Variants in SLC26A3 observed in about 807,000 individuals in gnomAD.
SLC26A3 encodes solute carrier family 26 member 3.
SLC26A3 carries 64 observed loss-of-function variants against 85.6 expected under a neutral mutation model. That is an observed-to-expected ratio of 0.75 (90% CI 0.61 to 0.92). The LOEUF (loss-of-function observed/expected upper bound fraction) is 0.92. Ranked by LOEUF, SLC26A3 falls within the 40% of genes least tolerant of loss-of-function variation. SLC26A3 has a pLI of 0.00. For missense variants in SLC26A3, 922 were observed against 927.3 expected, an observed-to-expected ratio of 0.99 and a Z score of 0.07; for synonymous variants, 349 against 336.0, an observed-to-expected ratio of 1.04 and a Z score of -0.42.
At chr7:107,796,503 T>C (rs1794503138) in intron 1 of SLC26A3, among the ~76,000 whole-genome samples, 1 of 152,142 alleles carries the variant, frequency 6.6e-6, no homozygotes, top group Non-Finnish European at 1.5e-5. Context: ...CTTCCATCTC[T>C]CCACCCACAC....
intron 8 of SLC26A3, 111 bp from the exon 9 acceptor site, chr7:107,783,463 T>C: frequency 7.8e-7 from 1 of 1,283,312 alleles, no homozygotes; most frequent in Non-Finnish European, 1.1e-6. Context: ...TGTCTCACTT[T>C]GGAGTATGAT....
At chr7:107,780,118 A>G (rs1794192874) in intron 11 of SLC26A3, among the ~76,000 whole-genome samples, 2 of 151,764 alleles carry the variant, frequency 1.3e-5, no homozygotes, top group African/African-American at 4.8e-5. Flanking sequence ...GAGACAGTCT[A>G]ATGTGTGTTT....
At chr7:107,778,775 AG>A (rs1348003696) in intron 12 of SLC26A3, among the ~76,000 whole-genome samples, 1 of 152,090 alleles carries the variant, frequency 6.6e-6, no homozygotes, top group East Asian at 1.9e-4. Context: ...GGATCACTTG[AG>A]GCCAGGAGTT....
chr7:107,791,762 A>C (rs1227166001), intron 4 of SLC26A3, 68 bp downstream of exon 4: 5 of 991,384 alleles, frequency 5.0e-6, no homozygotes, highest in East Asian at 2.4e-5. Flanking sequence ...AATTGATAGA[A>C]GGTATGGCTA....
intron 18 of SLC26A3, 35 bp downstream of exon 18, chr7:107,772,019 T>C (rs1380996659): frequency 3.4e-6 from 5 of 1,462,138 alleles, no homozygotes; most frequent in Middle Eastern, 3.5e-4. Flanking sequence ...CCTGAAGTGA[T>C]TGTCAGAACA....
At chr7:107,784,652 G>A (rs1207174076) in intron 8 of SLC26A3, among the ~76,000 whole-genome samples, 9 of 152,046 alleles carry the variant, frequency 5.9e-5, no homozygotes, top group South Asian at 2.1e-4. Flanking sequence ...GGATGGTCTC[G>A]AACTCCTGAC....
intron 1 of SLC26A3, among the ~76,000 whole-genome samples, chr7:107,799,878 G>A (rs1345405770): frequency 2.6e-5 from 4 of 152,208 alleles, no homozygotes; most frequent in Admixed American, 6.5e-5. Context: ...GCTGGAACCT[G>A]TTGGAAAATG....
intron 8 of SLC26A3, among the ~76,000 whole-genome samples, chr7:107,783,891 T>A (rs1200399473): frequency 6.6e-6 from 1 of 152,222 alleles, no homozygotes; most frequent in African/African-American, 2.4e-5. Flanking sequence ...ATGACCCTAA[T>A]GGAGAGTGGA....
chr7:107,792,836 G>T (rs973113505), intron 3 of SLC26A3, among the ~76,000 whole-genome samples: 4 of 152,184 alleles, frequency 2.6e-5, no homozygotes, highest in Non-Finnish European at 5.9e-5. Flanking sequence ...TCTGCAAATT[G>T]TATATCTGAC....
At position 107,802,742 on chromosome 7, in the gene SLC26A3, C is replaced by CTT. The variant is rs35087147; in HGVS notation, c.-89+367_-89+368dup. On this transcript the variant is annotated intron_variant, in intron 1 of 20. Coordinates refer to ENST00000340010, the MANE Select transcript of SLC26A3 (RefSeq NM_000111.3). ...GGAGAAACTCTTTCCTTAAAGCTTG[C>CTT]TTTTTTTTTTTTTTTTTTTGCCAAC... Among the ~76,000 whole-genome samples the CTT allele has an allele frequency of 1.0e-3, 115 of 110,736 alleles. 1 individual carries two copies. The highest frequency in any genetic ancestry group is 2.3e-3 in the African/African-American group (66 of 28,358). The allele number at this position is 110,736 out of a possible 152,430, so 72.6% of individuals were successfully genotyped here. A position where few individuals can be genotyped will look rare whatever the true frequency, so the allele number is the denominator to read the frequency against.
chr7:107,794,722 T>C, intron 1 of SLC26A3, 125 bp from the exon 2 acceptor site: 1 of 560,064 alleles, frequency 1.8e-6, no homozygotes, highest in South Asian at 2.0e-5. Context: ...TTAAGGGACC[T>C]AGATTGTGTT....
At chr7:107,790,725 A>G (rs1241577247) in intron 5 of SLC26A3, among the ~76,000 whole-genome samples, 3 of 152,160 alleles carry the variant, frequency 2.0e-5, no homozygotes, top group African/African-American at 7.2e-5. Flanking sequence ...TCTTGACTCT[A>G]TCAATTCCCA....
Position 107,800,249 on chromosome 7 carries a change from C to T in SLC26A3, c.-89+2862G>A, listed in dbSNP as rs1160750616. ...GTGGCTCATGCCTGTAATTTTGGCA[C>T]GTTGGGAGACTGAAGTGGGGAGATT... On this transcript the variant is annotated intron_variant, in intron 1 of 20. Coordinates refer to ENST00000340010, the MANE Select transcript of SLC26A3 (RefSeq NM_000111.3). 1.2e-4 allele frequency among the ~76,000 whole-genome samples: 18 copies of T among 152,302 alleles called. No individual in the cohort carries two copies. In the East Asian group the frequency reaches 3.3e-3, roughly 28 times the overall value.
intron 1 of SLC26A3, among the ~76,000 whole-genome samples, chr7:107,801,485 G>C (rs554551772): frequency 6.6e-6 from 1 of 152,294 alleles, no homozygotes; most frequent in East Asian, 1.9e-4. Context: ...TCAACAAAGT[G>C]ACACAGAGGC....
intron 10 of SLC26A3, 41 bp downstream of exon 10, chr7:107,782,939 C>T (rs759545220): frequency 3.7e-6 from 6 of 1,610,098 alleles, no homozygotes; most frequent in South Asian, 1.1e-5. Flanking sequence ...TTCCTAGTTA[C>T]TAACGCTAGG....
chr7:107,766,108 A>C (rs1203508294), intron 20 of SLC26A3, among the ~76,000 whole-genome samples: 1 of 152,196 alleles, frequency 6.6e-6, no homozygotes, highest in African/African-American at 2.4e-5. Context: ...TTGTAGCAAT[A>C]TCTTTCTTCA....
At chr7:107,769,994 TTTTTTCTCTTTCTTTCTTTCTTTCTTTC>T (rs1793977932) in intron 18 of SLC26A3, among the ~76,000 whole-genome samples, 1 of 114,198 alleles carries the variant, frequency 8.8e-6, no homozygotes, top group African/African-American at 3.2e-5. Context: ...CCTTCCTTCC[TTTTTTCTCTTTCTTTCTTTCTTTCTTTC>T]TTTCTTTCTT....
At position 107,768,246 on chromosome 7, in the gene SLC26A3, GCTT is replaced by G. The variant is rs1562873533; in HGVS notation, c.2063-341_2063-339del. Among the ~76,000 whole-genome samples the G allele has an allele frequency of 9.8e-5, 15 of 152,302 alleles. No homozygotes were observed. In the South Asian group the frequency reaches 2.9e-3, roughly 29 times the overall value. ...CTTAATGATTAGAGTATCAAGTGTG[GCTT>G]CTTATTAAAGTTTGGGATTCTGCCA... On this transcript the variant is annotated intron_variant, in intron 18 of 20. Coordinates refer to ENST00000340010, the MANE Select transcript of SLC26A3 (RefSeq NM_000111.3).
rs1449257802 is a variant in SLC26A3, at chr7:107,791,786, G to C, written c.382+44C>G. The C allele has an allele frequency of 2.0e-5, 25 of 1,261,060 alleles. No individual in the cohort carries two copies. The Admixed American group carries it at 4.2e-4, about 21-fold the overall frequency. 78.1% of individuals were successfully genotyped at this position (1,261,060 alleles called of 1,614,324 possible). ...AAGGTATGGCTAATAAAATTCATAA[G>C]GAAAAAACAATGTGAGCATTAATCA... On this transcript the variant is annotated intron_variant, in intron 4 of 20. Coordinates refer to ENST00000340010, the MANE Select transcript of SLC26A3 (RefSeq NM_000111.3).
Sources: gnomAD v4.1 joint callset for allele counts (sites outside exome capture counted in the v4.1 genomes callset) on GRCh38, gnomAD v4.1.1 for gene constraint, MANE v1.5 for transcripts, NCBI Gene and HGNC (gene_info 2026-07-23, HGNC 2026-07-21) for gene names.